Variants in DMXL2 observed in about 807,000 individuals in gnomAD.
The protein encoded by DMXL2 is dmX-like protein 2.
A neutral mutation model predicts 331.1 loss-of-function variants in DMXL2; 103 were observed. The ratio of observed to expected loss-of-function variants is 0.31; its 90% confidence interval spans 0.27 to 0.37. The LOEUF is 0.37. Among genes scored for constraint, DMXL2 ranks in the 10% least tolerant of loss-of-function variants. DMXL2 has a pLI of 1.00. For synonymous variants in DMXL2, 1,281 were observed against 1,252.1 expected, an observed-to-expected ratio of 1.02 and a Z score of -0.49; for missense variants, 3,171 against 3,642.9, an observed-to-expected ratio of 0.87 and a Z score of 3.33.
intron 1 of DMXL2, among the ~76,000 whole-genome samples, chr15:51,593,455 C>T (rs550130188): frequency 3.0e-4 from 46 of 152,250 alleles, no homozygotes; most frequent in Admixed American, 4.6e-4. Flanking sequence ...GACTCCCACA[C>T]AATAATAATG....
At chr15:51,616,935 T>TAAAAAAAAAAAAAAAAAAAAAAA (rs34051640) in intron 1 of DMXL2, among the ~76,000 whole-genome samples, 1 of 81,232 alleles carries the variant, frequency 1.2e-5, no homozygotes, top group Non-Finnish European at 2.3e-5. Flanking sequence ...AGACTCCATC[T>TAAAAAAAAAAAAAAAAAAAAAAA]AAAAAAAAAA....
chr15:51,522,746 T>C (rs941206515), intron 13 of DMXL2, among the ~76,000 whole-genome samples: 10 of 152,230 alleles, frequency 6.6e-5, no homozygotes, highest in African/African-American at 1.7e-4. Context: ...ATTTAACTCA[T>C]TGTAAATACC....
chr15:51,617,481 AAGG>A (rs1469057332), intron 1 of DMXL2, among the ~76,000 whole-genome samples: 2 of 152,332 alleles, frequency 1.3e-5, no homozygotes, highest in Non-Finnish European at 2.9e-5. Flanking sequence ...CTGAGCCAGA[AAGG>A]AGGTCAGACT....
In DMXL2 at chr15:51,470,735, T is replaced by C. The variant is rs150861180; in HGVS notation, c.7392+488A>G. ...AGCATGCACCCAGCATGGTATGAAA[T>C]GGGGCTATACCAGATCTAGTCACCA... On this transcript the variant is annotated intron_variant, in intron 29 of 43. Coordinates refer to ENST00000560891, the MANE Select transcript of DMXL2 (RefSeq NM_001378457.1). Among the ~76,000 whole-genome samples the C allele has an allele frequency of 9.5e-3, 1,451 of 152,224 alleles. 19 individuals are homozygous for C. The highest frequency in any genetic ancestry group is 0.034 in the African/African-American group (1,393 of 41,534).
chr15:51,539,387 C>T (rs1054863035), intron 9 of DMXL2, among the ~76,000 whole-genome samples: 3 of 151,920 alleles, frequency 2.0e-5, no homozygotes, highest in Non-Finnish European at 4.4e-5. Context: ...GTGTTTGAAA[C>T]TTTACTAAAT....
At chr15:51,487,400 G>T (rs1313596342) in intron 22 of DMXL2, among the ~76,000 whole-genome samples, 2 of 148,678 alleles carry the variant, frequency 1.3e-5, no homozygotes, top group Non-Finnish European at 3.0e-5. Flanking sequence ...CTATTTTTCA[G>T]CATTTTTTTC....
At chr15:51,513,002 C>G (rs1002141097) in intron 15 of DMXL2, among the ~76,000 whole-genome samples, 4 of 151,770 alleles carry the variant, frequency 2.6e-5, no homozygotes, top group Admixed American at 6.6e-5. Flanking sequence ...AAACTTAGTA[C>G]AAAATAAAGC....
rs1336653069 is a variant in DMXL2, at chr15:51,481,204, T to G, written c.5902A>C (p.Lys1968Gln). Residue 1968 changes from lysine (K) to glutamine (Q), a missense_variant, in exon 24 of 44, where the codon AAA becomes CAA. Coordinates refer to ENST00000560891, the MANE Select transcript of DMXL2 (RefSeq NM_001378457.1). The part of the protein sequence containing the change: ...SQYDWSQPIV[K>Q]VDEEPLNLDW... The stretch of plus-strand genomic sequence containing the variant: ...AGATTAAGAGGTTCCTCATCAACTT[T>G]TACTATTGGCTGACTCCAGTCATAC... 1.2e-6 allele frequency: 2 copies of G among 1,613,862 alleles called. No individual in the cohort carries two copies. Among genetic ancestry groups the G allele is most frequent in the Non-Finnish European group, 1.7e-6 (2 of 1,179,928 alleles).
chr15:51,521,045 TCAC>T (rs1167067272), intron 13 of DMXL2, among the ~76,000 whole-genome samples: 1 of 152,172 alleles, frequency 6.6e-6, no homozygotes, highest in Non-Finnish European at 1.5e-5. Flanking sequence ...ATAAAAACAT[TCAC>T]GTTTTTTATA....
rs576385204 is a variant in DMXL2 at position 51,606,100 on chromosome 15, C to T, written c.87+16359G>A. 2.0e-5 allele frequency among the ~76,000 whole-genome samples: 3 copies of T among 152,242 alleles called. No homozygotes were observed. In the South Asian group the frequency reaches 6.2e-4, roughly 32 times the overall value. On this transcript the variant is annotated intron_variant, in intron 1 of 43. Coordinates refer to ENST00000560891, the MANE Select transcript of DMXL2 (RefSeq NM_001378457.1). ...GCTCCATCTGACAAAAGATGGGACT[C>T]CAATAAACTACCCAACACTTTAAAC...
chr15:51,568,542 C>T lies in DMXL2; in HGVS notation c.230G>A (p.Gly77Asp), dbSNP rs1397144381. Reference sequence around the variant, plus strand: ...GGGCTCAAATATACAAACAGCATTACCATATGAAGCTGCAATCTAAAAAAG... The same window carrying T: ...GGGCTCAAATATACAAACAGCATTATCATATGAAGCTGCAATCTAAAAAAG... ...NQQGRIAASY[G>D]NAVCIFEPLG... is the part of the protein sequence containing the mutation. Residue 77 changes from glycine (G) to aspartate (D), a missense_variant, in exon 3 of 44, where the codon GGT (glycine) becomes GAT (aspartate). Physicochemically the swap from Gly to Asp is moderately conservative, Grantham distance 94. Around this residue, in one of 7 missense-constraint regions of DMXL2, gnomAD observed 1,674 missense variants for 1,780.2 expected, o/e 0.94. Transcript: ENST00000560891. 1 of 1,575,898 alleles carries T rather than the reference C, an allele frequency of 6.3e-7. No individual in the cohort carries two copies. Among genetic ancestry groups the T allele is most frequent in the African/African-American group, 1.4e-5 (1 of 72,332 alleles).
intron 23 of DMXL2, among the ~76,000 whole-genome samples, chr15:51,482,152 A>C (rs778934086): frequency 1.1e-4 from 16 of 152,180 alleles, no homozygotes; most frequent in Non-Finnish European, 2.1e-4. Context: ...GGCAAAATTA[A>C]ACAAATCAGT....
At chr15:51,601,164 G>T (rs1034932197) in intron 1 of DMXL2, among the ~76,000 whole-genome samples, 1 of 151,618 alleles carries the variant, frequency 6.6e-6, no homozygotes, top group African/African-American at 2.4e-5. Context: ...GGTGGCAGGC[G>T]CCTGTAGTCC....
intron 42 of DMXL2, 44 bp from the exon 43 acceptor site, chr15:51,450,390 G>C: frequency 1.3e-6 from 2 of 1,585,310 alleles, no homozygotes. Context: ...ACAATTTCTT[G>C]TCTTGGTAAT....
At chr15:51,521,449 A>G (rs189790312) in intron 13 of DMXL2, among the ~76,000 whole-genome samples, 7 of 149,018 alleles carry the variant, frequency 4.7e-5, no homozygotes, top group Non-Finnish European at 1.0e-4. Context: ...TAGTAGTAGT[A>G]GTAGTAGTAG....
chr15:51,575,514 G>A (rs543480543), intron 2 of DMXL2, among the ~76,000 whole-genome samples: 1 of 152,130 alleles, frequency 6.6e-6, no homozygotes, highest in South Asian at 2.1e-4. Flanking sequence ...AATTGGGGGA[G>A]AGGTACATAT....
intron 6 of DMXL2, among the ~76,000 whole-genome samples, chr15:51,561,296 G>A (rs1162973105): frequency 2.0e-5 from 3 of 152,238 alleles, no homozygotes; most frequent in African/African-American, 7.2e-5. Flanking sequence ...TAGTTGGATA[G>A]TGTGCTTTGG....
intron 28 of DMXL2, among the ~76,000 whole-genome samples, chr15:51,472,650 T>C (rs886388026): frequency 6.6e-6 from 1 of 152,254 alleles, no homozygotes; most frequent in Admixed American, 6.5e-5. Flanking sequence ...CTGGCTTCTT[T>C]GGCTTAGCCT....
intron 33 of DMXL2, among the ~76,000 whole-genome samples, chr15:51,462,883 T>A (rs1452634298): frequency 4.6e-5 from 7 of 152,258 alleles, no homozygotes. Context: ...AACCTCTGTC[T>A]TGCTTTGTAA....
Sources: gnomAD v4.1 joint callset for allele counts (sites outside exome capture counted in the v4.1 genomes callset) on GRCh38, gnomAD v4.1.1 for gene constraint, gnomAD v4.1.1 regional missense constraint, MANE v1.5 for transcripts, NCBI Gene and HGNC (gene_info 2026-07-23, HGNC 2026-07-21) for gene names.